Variants in WASHC5 observed in about 807,000 individuals in gnomAD.
WASHC5 encodes WASH complex subunit 5, also known as WASH complex subunit strumpellin.
A neutral mutation model predicts 150.4 loss-of-function variants in WASHC5; 101 were observed. That is an observed-to-expected ratio of 0.67 (90% confidence interval 0.57 to 0.79). The LOEUF (loss-of-function observed/expected upper bound fraction) is 0.79, where lower values mean the gene tolerates loss of function less well. Among genes scored for constraint, WASHC5 ranks in the 30% least tolerant of loss-of-function variants. WASHC5 has a pLI of 0.00. For missense variants in WASHC5, 1,195 were observed against 1,396.3 expected (o/e 0.86, Z 2.30); for synonymous variants, 467 against 491.2 (o/e 0.95, Z 0.65).
At chr8:125,035,053 A>G (rs1020910526) in intron 26 of WASHC5, among the ~76,000 whole-genome samples, 1 of 144,396 alleles carries the variant, frequency 6.9e-6, no homozygotes, top group Non-Finnish European at 1.5e-5. Flanking sequence ...AAACACATCA[A>G]TGGAACAGAA....
At chr8:125,079,575 G>A (rs1334651248) in intron 5 of WASHC5, among the ~76,000 whole-genome samples, 1 of 152,068 alleles carries the variant, frequency 6.6e-6, no homozygotes, top group Non-Finnish European at 1.5e-5. Flanking sequence ...AAAATCCTTA[G>A]GAGTGGATTT....
intron 5 of WASHC5, among the ~76,000 whole-genome samples, chr8:125,081,133 T>C (rs1242457745): frequency 2.0e-5 from 3 of 151,898 alleles, no homozygotes; most frequent in South Asian, 2.1e-4. Context: ...CTATAATATA[T>C]AGAATACTTG....
At chr8:125,073,364 T>C (rs1302830845) in intron 8 of WASHC5, 40 bp from the exon 9 acceptor site, 1 of 1,520,466 alleles carries the variant, frequency 6.6e-7, no homozygotes, top group South Asian at 1.1e-5. Context: ...TAAAAAGTCA[T>C]TTATCTTGAA....
At chr8:125,037,807 G>A (rs138970229) in intron 25 of WASHC5, among the ~76,000 whole-genome samples, 2 of 152,178 alleles carry the variant, frequency 1.3e-5, no homozygotes, top group African/African-American at 4.8e-5. Context: ...AGTAGAAAGA[G>A]AGCAAAGTTC....
chr8:125,069,483 C>T (rs1273034140), intron 9 of WASHC5, among the ~76,000 whole-genome samples: 1 of 152,136 alleles, frequency 6.6e-6, no homozygotes, highest in Non-Finnish European at 1.5e-5. Context: ...ACATGTGCCC[C>T]CTCCTGCCTT....
At chr8:125,091,287 T>C (rs775191435) in intron 1 of WASHC5, among the ~76,000 whole-genome samples, 79 of 152,130 alleles carry the variant, frequency 5.2e-4, no homozygotes, top group Non-Finnish European at 1.1e-3. Context: ...TCCTCACTAC[T>C]AGCCTTTCAG....
chr8:125,044,798 A>T (rs1401946938), intron 20 of WASHC5, 100 bp from the exon 21 acceptor site: 1 of 1,183,318 alleles, frequency 8.5e-7, no homozygotes, highest in Non-Finnish European at 1.3e-6. Context: ...TATGAAGAAC[A>T]GGAGTTACAT....
In WASHC5 at chr8:125,059,434, C is replaced by T; in HGVS notation, c.1630G>A (p.Val544Ile). ...MIRTINIKEEVLITMQIVGDL... is the reference protein window; with the variant it reads ...MIRTINIKEEILITMQIVGDL... ...CCAACGATCTGCATTGTGATCAGAA[C>T]CTCCTCTTTAATGTTAATGGTTCTG... Residue 544 changes from valine (V) to isoleucine (I), a missense_variant, in exon 13 of 29, where the codon GTT becomes ATT. Val to Ile is a conservative substitution (Grantham distance 29). Coordinates refer to ENST00000318410, the MANE Select transcript of WASHC5 (RefSeq NM_014846.4). The T allele has an allele frequency of 1.2e-6, 2 of 1,614,156 alleles. No individual in the cohort carries two copies. The highest frequency in any genetic ancestry group is 2.2e-5 in the South Asian group (2 of 91,088).
chr8:125,060,440 T>C (rs187657299), intron 12 of WASHC5, among the ~76,000 whole-genome samples: 3,709 of 151,344 alleles, frequency 0.025, 160 homozygotes, highest in African/African-American at 0.087. Flanking sequence ...GAGCCAAGAT[T>C]GTGCCCCTGC....
chr8:125,037,030 A>ATAAC (rs1200146137), intron 26 of WASHC5, among the ~76,000 whole-genome samples: 2 of 152,156 alleles, frequency 1.3e-5, no homozygotes. Context: ...AAATAAATAA[A>ATAAC]TAAATAAAAA....
intron 17 of WASHC5, among the ~76,000 whole-genome samples, chr8:125,054,834 G>T (rs1283844117): frequency 6.6e-6 from 1 of 151,272 alleles, no homozygotes; most frequent in African/African-American, 2.4e-5. Context: ...AAAAAAAAGG[G>T]ATATGATTAT....
Position 125,075,782 on chromosome 8 carries a change from C to G in WASHC5, c.864+566G>C, listed in dbSNP as rs16900360. On this transcript the variant is annotated intron_variant, in intron 7 of 28. Coordinates refer to ENST00000318410, the MANE Select transcript of WASHC5 (RefSeq NM_014846.4). ...GCTACATGCGAATATAATCCAACTCCCTGCATTTTGTTAAAGCCTCTTTGT... is the reference window on the plus strand; with the variant it reads ...GCTACATGCGAATATAATCCAACTCGCTGCATTTTGTTAAAGCCTCTTTGT... 2.6e-3 allele frequency among the ~76,000 whole-genome samples: 403 copies of G among 152,238 alleles called. 2 individuals are homozygous for G. Among genetic ancestry groups the G allele is most frequent in the African/African-American group, 9.4e-3 (390 of 41,538 alleles).
chr8:125,026,253 T>C (rs1381706965), intron 28 of WASHC5, among the ~76,000 whole-genome samples: 1 of 152,234 alleles, frequency 6.6e-6, no homozygotes. Context: ...CCTCTTAATT[T>C]CCTTTGCCCT....
At position 125,043,853 on chromosome 8, in the gene WASHC5, C is replaced by A. The variant is rs1815968728; in HGVS notation, c.2822G>T (p.Trp941Leu). The change falls in exon 23 of 29, where the codon TGG (tryptophan) becomes TTG (leucine). Residue 941 changes from tryptophan to leucine, a missense_variant. Coordinates refer to ENST00000318410, the MANE Select transcript of WASHC5 (RefSeq NM_014846.4). ...CATTATAGCCTCGAGATACGCAGTC[C>A]AAATCTTCTGTGTTTTGGCAATGGC... The part of the protein sequence containing the change: ...FSAIAKTQKI[W>L]TAYLEAIMKV... 2 of 1,612,392 alleles carry A rather than the reference C, an allele frequency of 1.2e-6. No individual in the cohort carries two copies.
chr8:125,032,213 C>T (rs1815561072), intron 27 of WASHC5, 28 bp downstream of exon 27: 1 of 1,613,334 alleles, frequency 6.2e-7, no homozygotes, highest in African/African-American at 1.3e-5. Flanking sequence ...ACAAGAAGTC[C>T]CACGTAGTCC....
intron 16 of WASHC5, among the ~76,000 whole-genome samples, chr8:125,056,445 T>C (rs919148058): frequency 1.3e-5 from 2 of 152,194 alleles, no homozygotes; most frequent in Non-Finnish European, 2.9e-5. Context: ...CTAAGCCTCA[T>C]TTCCCCTGAG....
intron 11 of WASHC5, among the ~76,000 whole-genome samples, chr8:125,062,896 T>G (rs957388308): frequency 1.3e-5 from 2 of 152,188 alleles, no homozygotes; most frequent in Non-Finnish European, 2.9e-5. Context: ...TATAAAAAAT[T>G]TGAAATGATG....
At chr8:125,074,778 C>T (rs895156425) in intron 8 of WASHC5, among the ~76,000 whole-genome samples, 16 of 152,294 alleles carry the variant, frequency 1.1e-4, no homozygotes, top group African/African-American at 1.2e-4. Context: ...AGGGTACTGA[C>T]TCTTCCTTGG....
intron 25 of WASHC5, among the ~76,000 whole-genome samples, chr8:125,038,024 G>C (rs773224722): frequency 3.3e-5 from 5 of 152,246 alleles, no homozygotes; most frequent in Non-Finnish European, 7.3e-5. Flanking sequence ...CTGAGCCTCG[G>C]GTTCCTCAAC....
Sources: gnomAD v4.1 joint callset for allele counts (sites outside exome capture counted in the v4.1 genomes callset) on GRCh38, gnomAD v4.1.1 for gene constraint, MANE v1.5 for transcripts, NCBI Gene and HGNC (gene_info 2026-07-23, HGNC 2026-07-21) for gene names.